Variants in CNKSR2 observed in about 807,000 individuals in gnomAD.
CNKSR2 encodes the protein connector enhancer of kinase suppressor of Ras 2.
In CNKSR2, 14 loss-of-function variants were observed where a neutral mutation model predicts 84.4. The observed-to-expected ratio is 0.17, with a 90% CI of 0.11 to 0.26. CNKSR2 has a LOEUF of 0.26. Ranked by LOEUF, CNKSR2 falls within the 10% of genes least tolerant of loss-of-function variation. The pLI, the probability that CNKSR2 is intolerant of heterozygous loss-of-function variation, is 1.00. For synonymous variants in CNKSR2, 275 were observed against 277.9 expected, an observed-to-expected ratio of 0.99 and a Z score of 0.10; for missense variants, 485 against 771.2, an observed-to-expected ratio of 0.63 and a Z score of 4.40.
intron 20 of CNKSR2, among the ~76,000 whole-genome samples, chrX:21,617,503 A>G (rs1393826716): frequency 8.9e-6 from 1 of 112,032 alleles, no homozygotes; most frequent in Non-Finnish European, 1.9e-5. Context: ...AAAATAAATA[A>G]AAAGTACAGT....
At chrX:21,392,313 G>A (rs778224516) in intron 1 of CNKSR2, among the ~76,000 whole-genome samples, 4 of 111,497 alleles carry the variant, frequency 3.6e-5, no homozygotes, top group African/African-American at 9.8e-5. Flanking sequence ...GTGTTAGTCC[G>A]TTCTCACGTT....
At chrX:21,596,610 TA>T (rs1308801287) in intron 17 of CNKSR2, among the ~76,000 whole-genome samples, 3 of 110,934 alleles carry the variant, frequency 2.7e-5, no homozygotes, top group Non-Finnish European at 5.7e-5. Flanking sequence ...AATGAACACT[TA>T]ATGTCCTTTT....
intron 13 of CNKSR2, among the ~76,000 whole-genome samples, chrX:21,579,208 C>G (rs1420683588): frequency 8.9e-6 from 1 of 111,942 alleles, no homozygotes; most frequent in Admixed American, 9.5e-5. Flanking sequence ...TAGTGGCCAA[C>G]CCTAAACTAG....
At chrX:21,638,491 C>T (rs1442012383) in intron 20 of CNKSR2, among the ~76,000 whole-genome samples, 1 of 112,043 alleles carries the variant, frequency 8.9e-6, no homozygotes, top group Non-Finnish European at 1.9e-5. Flanking sequence ...TCATTCTACA[C>T]ATGATTCAAC....
intron 13 of CNKSR2, among the ~76,000 whole-genome samples, chrX:21,574,697 G>T (rs1416004371): frequency 9.0e-6 from 1 of 111,344 alleles, no homozygotes; most frequent in African/African-American, 3.3e-5. Context: ...AGATTTGGGT[G>T]GGGGCACAGC....
rs868817836 is a variant in CNKSR2 at position 21,374,594 on chromosome X, G to A, written c.-304G>A. ...ACGGAGACCGGAGCGGAGCGGCGGA[G>A]GCAGCAGCAGCAGCAGCAGCAGCAG... On this transcript the variant is annotated 5_prime_UTR_variant, in exon 1 of 22. Coordinates refer to ENST00000379510, the MANE Select transcript of CNKSR2 (RefSeq NM_014927.5). 2.2e-6 allele frequency: 1 copy of A among 459,618 alleles called. No homozygotes were observed. Among genetic ancestry groups the A allele is most frequent in the Non-Finnish European group, 3.8e-6 (1 of 259,805 alleles). The allele number at this position is 459,618 out of a possible 1,213,427, so 37.9% of individuals were successfully genotyped here.
intron 18 of CNKSR2, among the ~76,000 whole-genome samples, chrX:21,604,578 T>C (rs912018514): frequency 1.9e-4 from 21 of 111,559 alleles, no homozygotes; most frequent in African/African-American, 3.3e-5. Flanking sequence ...CTGTCACTTG[T>C]AGTGACAGCT....
chrX:21,618,728 C>G (rs753104042), intron 20 of CNKSR2, among the ~76,000 whole-genome samples: 2 of 111,868 alleles, frequency 1.8e-5, no homozygotes, highest in Non-Finnish European at 3.8e-5. Context: ...AACTAAGTCT[C>G]TGTATCGTAC....
intron 10 of CNKSR2, among the ~76,000 whole-genome samples, chrX:21,528,992 T>A (rs923230493): frequency 3.6e-5 from 4 of 111,061 alleles, no homozygotes; most frequent in African/African-American, 1.3e-4. Flanking sequence ...CCTATTTTCT[T>A]ATTTTGAAGA....
chrX:21,378,027 A>G (rs894906235), intron 1 of CNKSR2, among the ~76,000 whole-genome samples: 4 of 111,686 alleles, frequency 3.6e-5, no homozygotes, highest in African/African-American at 9.7e-5. Flanking sequence ...TTGCTCACCA[A>G]CTTCATTATT....
chrX:21,418,626 C>T (rs1374703761), intron 1 of CNKSR2, among the ~76,000 whole-genome samples: 1 of 110,993 alleles, frequency 9.0e-6, no homozygotes, highest in Non-Finnish European at 1.9e-5. Context: ...CTCTGCTGGC[C>T]TATAAGTTTT....
At chrX:21,595,476 C>T (rs2092446515) in intron 17 of CNKSR2, 81 bp downstream of exon 17, 1 of 558,598 alleles carries the variant, frequency 1.8e-6, no homozygotes, top group Admixed American at 3.4e-5. Flanking sequence ...AGAATAATGT[C>T]ACTGAAGTTT....
chrX:21,633,709 C>A lies in CNKSR2; in HGVS notation c.2693-15122C>A, dbSNP rs370244499. ...GAACCTTTTGCAATGGCTATAAAGTCATTTGTATTTTTCCATAAGAACATT... is the reference window on the plus strand; with the variant it reads ...GAACCTTTTGCAATGGCTATAAAGTAATTTGTATTTTTCCATAAGAACATT... On this transcript the variant is annotated intron_variant, in intron 20 of 21. Coordinates refer to ENST00000379510, the MANE Select transcript of CNKSR2 (RefSeq NM_014927.5). Among the ~76,000 whole-genome samples, 4 of 112,086 alleles carry A rather than the reference C, an allele frequency of 3.6e-5. No homozygotes were observed. In the East Asian group the frequency reaches 8.3e-4, roughly 23 times the overall value.
At chrX:21,383,675 C>CT (rs774601868) in intron 1 of CNKSR2, among the ~76,000 whole-genome samples, 185 of 101,492 alleles carry the variant, frequency 1.8e-3, no homozygotes, top group African/African-American at 3.4e-3. Context: ...TGCTCAATAT[C>CT]TTTTTTTTTT....
At chrX:21,648,066 T>A (rs1197395237) in intron 20 of CNKSR2, among the ~76,000 whole-genome samples, 1 of 111,900 alleles carries the variant, frequency 8.9e-6, no homozygotes, top group African/African-American at 3.2e-5. Context: ...TCAAAAATAT[T>A]TAACTGGAGT....
In CNKSR2 at chrX:21,379,640, A is replaced by G. The variant is rs2089869357; in HGVS notation, c.64+4679A>G. On this transcript the variant is annotated intron_variant, in intron 1 of 21. Coordinates refer to ENST00000379510, the MANE Select transcript of CNKSR2 (RefSeq NM_014927.5). ...ATATTTATGTAGATATATTTGCTCC[A>G]TAGATATTATTTTCTCAGTGCTTTT... Among the ~76,000 whole-genome samples, 4 of 112,202 alleles carry G rather than the reference A, an allele frequency of 3.6e-5. No individual in the cohort carries two copies. The South Asian group carries it at 1.1e-3, about 31-fold the overall frequency.
intron 4 of CNKSR2, among the ~76,000 whole-genome samples, chrX:21,442,628 C>A: frequency 9.0e-6 from 1 of 111,681 alleles, no homozygotes; most frequent in East Asian, 2.8e-4. Context: ...CATGATGATT[C>A]CACATTGGAC....
chrX:21,609,838 G>T (rs1025937492), intron 20 of CNKSR2, among the ~76,000 whole-genome samples: 1 of 111,487 alleles, frequency 9.0e-6, no homozygotes, highest in Non-Finnish European at 1.9e-5. Context: ...ACCCACAGCT[G>T]GAGCAAATAA....
chrX:21,572,277 A>G (rs917954681), intron 13 of CNKSR2, among the ~76,000 whole-genome samples: 3 of 111,941 alleles, frequency 2.7e-5, no homozygotes, highest in Non-Finnish European at 5.6e-5. Context: ...ACTTTCTTTG[A>G]TTCTTATGGG....
Sources: gnomAD v4.1 joint callset for allele counts (sites outside exome capture counted in the v4.1 genomes callset) on GRCh38, gnomAD v4.1.1 for gene constraint, MANE v1.5 for transcripts, NCBI Gene and HGNC (gene_info 2026-07-23, HGNC 2026-07-21) for gene names.